Variants in CSMD3 observed in about 807,000 individuals in gnomAD.
CSMD3 encodes CUB and sushi domain-containing protein 3.
In CSMD3, 177 loss-of-function variants were observed where a neutral mutation model predicts 435.2. The observed-to-expected ratio is 0.41, with a 90% CI of 0.36 to 0.46. The LOEUF (loss-of-function observed/expected upper bound fraction) is 0.46. Ranked by LOEUF, CSMD3 falls within the 20% of genes least tolerant of loss-of-function variation. The pLI is 0.34. For missense variants in CSMD3, 4,265 were observed against 4,504.6 expected, an observed-to-expected ratio of 0.95 and a Z score of 1.52; for synonymous variants, 1,656 against 1,520.5, an observed-to-expected ratio of 1.09 and a Z score of -2.07.
Position 112,806,881 on chromosome 8 carries a change from C to T in CSMD3, c.1860-6607G>A, listed in dbSNP as rs75304982. 6.3e-3 allele frequency among the ~76,000 whole-genome samples: 961 copies of T among 152,238 alleles called. 4 individuals are homozygous for T. The highest frequency in any genetic ancestry group is 9.3e-3 in the Non-Finnish European group (630 of 68,008). ...GTGCTCTCATAATGTGTAACCATGC[C>T]GTTTGTTTAAATAATTCCAGAAACT... On this transcript the variant is annotated intron_variant, in intron 12 of 70. Coordinates refer to ENST00000297405, the MANE Select transcript of CSMD3 (RefSeq NM_198123.2).
rs921165218 is a variant in CSMD3 at position 112,428,052 on chromosome 8, T to G, written c.5396-19020A>C. ...TTGATATTTTCACATTTCCCCCAGC[T>G]ATTTCCTTGGCATTTAATTTCTAAA... On this transcript the variant is annotated intron_variant, in intron 32 of 70. Transcript: ENST00000297405. 3.3e-5 allele frequency among the ~76,000 whole-genome samples: 5 copies of G among 152,328 alleles called. No homozygotes were observed. The South Asian group carries it at 1.0e-3, about 32-fold the overall frequency.
rs1823751086 is a variant in CSMD3, at chr8:112,517,103, C to T, written c.4687G>A (p.Glu1563Lys). Residue 1563 changes from glutamate to lysine, a missense_variant, in exon 28 of 71, where the codon GAG becomes AAG. Physicochemically the swap from Glu to Lys is moderately conservative, Grantham distance 56. Coordinates refer to ENST00000297405, the MANE Select transcript of CSMD3 (RefSeq NM_198123.2). ...ACCTGAATGCAGGTTATTCTTTCCT[C>T]TCCTTGAAGTTCATATCCTGGGTCA... ...QCDPGYELQGEERITCIQVEN... is the reference protein window; with the variant it reads ...QCDPGYELQGKERITCIQVEN... 1 of 1,613,950 alleles carries T rather than the reference C, an allele frequency of 6.2e-7. No homozygotes were observed. Among genetic ancestry groups the T allele is most frequent in the Non-Finnish European group, 8.5e-7 (1 of 1,179,914 alleles).
At chr8:112,983,935 A>C (rs80084948) in intron 6 of CSMD3, among the ~76,000 whole-genome samples, 7 of 152,056 alleles carry the variant, frequency 4.6e-5, no homozygotes, top group African/African-American at 1.7e-4. Flanking sequence ...AACACAGGCC[A>C]AAAACGTCTT....
intron 32 of CSMD3, among the ~76,000 whole-genome samples, chr8:112,411,322 T>C (rs942384297): frequency 6.6e-6 from 1 of 152,020 alleles, no homozygotes; most frequent in African/African-American, 2.4e-5. Context: ...TTTGTGCTTG[T>C]AATTTGTTGT....
intron 4 of CSMD3, among the ~76,000 whole-genome samples, chr8:113,150,655 T>C (rs1409690927): frequency 6.6e-6 from 1 of 152,028 alleles, no homozygotes; most frequent in Non-Finnish European, 1.5e-5. Context: ...TATGCATTAA[T>C]AGAAAATGAA....
At chr8:113,394,474 C>G (rs2094474623) in intron 1 of CSMD3, among the ~76,000 whole-genome samples, 1 of 151,802 alleles carries the variant, frequency 6.6e-6, no homozygotes, top group Non-Finnish European at 1.5e-5. Context: ...GAAAATATGG[C>G]CTGAAGGGGA....
intron 35 of CSMD3, among the ~76,000 whole-genome samples, chr8:112,399,936 C>G (rs1359081033): frequency 3.3e-5 from 5 of 152,110 alleles, no homozygotes; most frequent in Admixed American, 1.3e-4. Flanking sequence ...TCTGAGCCCT[C>G]ATCAGAATTT....
chr8:112,696,341 T>C (rs984184772), intron 13 of CSMD3, among the ~76,000 whole-genome samples: 2 of 152,112 alleles, frequency 1.3e-5, no homozygotes, highest in African/African-American at 4.8e-5. Context: ...AAGGCTACAG[T>C]AACCAAAACA....
chr8:113,035,448 T>C (rs1226580817), intron 5 of CSMD3, among the ~76,000 whole-genome samples: 1 of 151,892 alleles, frequency 6.6e-6, no homozygotes, highest in Admixed American at 6.6e-5. Context: ...AAGACAAGAC[T>C]ATACAAATGG....
intron 12 of CSMD3, among the ~76,000 whole-genome samples, chr8:112,816,821 A>G (rs2132414696): frequency 6.6e-6 from 1 of 151,666 alleles, no homozygotes; most frequent in Non-Finnish European, 1.5e-5. Flanking sequence ...TAAATTCAAT[A>G]AATAAAAAAT....
At chr8:112,955,431 T>G (rs2083979997) in intron 7 of CSMD3, among the ~76,000 whole-genome samples, 1 of 151,754 alleles carries the variant, frequency 6.6e-6, no homozygotes. Context: ...ACATAGGATA[T>G]TTTGATATAA....
chr8:113,208,321 C>G (rs569614833), intron 3 of CSMD3, among the ~76,000 whole-genome samples: 4 of 152,022 alleles, frequency 2.6e-5, no homozygotes, highest in African/African-American at 9.7e-5. Context: ...CAGGCTGGAC[C>G]AGTTACAGGC....
chr8:112,634,996 G>A (rs927212282), intron 22 of CSMD3, among the ~76,000 whole-genome samples: 1 of 151,898 alleles, frequency 6.6e-6, no homozygotes, highest in African/African-American at 2.4e-5. Context: ...AAATGGAAGA[G>A]ATAATAATAT....
intron 13 of CSMD3, among the ~76,000 whole-genome samples, chr8:112,768,165 TATATAA>T (rs2078026931): frequency 6.6e-6 from 1 of 151,354 alleles, no homozygotes; most frequent in African/African-American, 2.4e-5. Context: ...AATATAAATA[TATATAA>T]ATATAAATAA....
At chr8:113,085,385 C>G (rs2089725363) in intron 5 of CSMD3, among the ~76,000 whole-genome samples, 1 of 152,032 alleles carries the variant, frequency 6.6e-6, no homozygotes, top group African/African-American at 2.4e-5. Context: ...TCTCAAAAAA[C>G]TAAACTAAAA....
chr8:112,245,312 G>A lies in CSMD3; in HGVS notation c.10223-739C>T, dbSNP rs539999859. ...AAAGACCATTCCTTTCTCCGTCAGA[G>A]ATAAATGCTACAAGAAATTTTTCCC... On this transcript the variant is annotated intron_variant, in intron 64 of 70. Coordinates refer to ENST00000297405, the MANE Select transcript of CSMD3 (RefSeq NM_198123.2). 3.3e-4 allele frequency among the ~76,000 whole-genome samples: 50 copies of A among 151,946 alleles called. 2 individuals carry two copies. In the South Asian group the frequency reaches 0.01, roughly 31 times the overall value.
At chr8:113,300,022 T>C (rs1302456786) in intron 2 of CSMD3, among the ~76,000 whole-genome samples, 1 of 150,372 alleles carries the variant, frequency 6.7e-6, no homozygotes, top group African/African-American at 2.5e-5. Flanking sequence ...AGCATGGTGG[T>C]GCATGTCTGC....
chr8:112,559,374 T>A (rs1412752487), intron 24 of CSMD3, among the ~76,000 whole-genome samples: 3 of 151,812 alleles, frequency 2.0e-5, no homozygotes, highest in Non-Finnish European at 2.9e-5. Context: ...GGAGCATAGG[T>A]TTTTCTCCCA....
At chr8:113,102,072 T>C (rs2090346846) in intron 4 of CSMD3, among the ~76,000 whole-genome samples, 1 of 152,132 alleles carries the variant, frequency 6.6e-6, no homozygotes, top group African/African-American at 2.4e-5. Flanking sequence ...CTGTGCTCTT[T>C]CTGCTAAATA....
Sources: gnomAD v4.1 joint callset for allele counts (sites outside exome capture counted in the v4.1 genomes callset) on GRCh38, gnomAD v4.1.1 for gene constraint, MANE v1.5 for transcripts, NCBI Gene and HGNC (gene_info 2026-07-23, HGNC 2026-07-21) for gene names.